The following RBMS3 variants were observed in gnomAD, a reference collection of about 807,000 sequenced individuals.
The protein encoded by RBMS3 is RNA-binding motif, single-stranded-interacting protein 3.
Under a neutral mutation model 66.8 loss-of-function variants are expected in RBMS3, and 27 were observed. The observed-to-expected ratio is 0.40, with a 90% CI of 0.30 to 0.56. The LOEUF (loss-of-function observed/expected upper bound fraction) is 0.56, where lower values mean the gene tolerates loss of function less well. RBMS3 is among the 20% of genes least tolerant of loss of function. The pLI, the probability that RBMS3 is intolerant of heterozygous loss-of-function variation, is 0.40. For synonymous variants in RBMS3, 188 were observed against 183.0 expected, an observed-to-expected ratio of 1.03 and a Z score of -0.22; for missense variants, 513 against 549.5, an observed-to-expected ratio of 0.93 and a Z score of 0.66.
intron 1 of RBMS3, chr3:29,390,995 G>C (rs1029161019): frequency 1.2e-5 from 4 of 321,114 alleles, no homozygotes; most frequent in Admixed American, 2.8e-5. Context: ...GCCCATCTCT[G>C]TGTTTACATT....
At chr3:29,879,271 G>T (rs1208920518) in intron 7 of RBMS3, among the ~76,000 whole-genome samples, 1 of 152,116 alleles carries the variant, frequency 6.6e-6, no homozygotes, top group Non-Finnish European at 1.5e-5. Context: ...AAATAAATAT[G>T]AGCAAAGTTA....
chr3:29,976,456 A>G (rs1372969503), intron 12 of RBMS3, among the ~76,000 whole-genome samples: 1 of 152,134 alleles, frequency 6.6e-6, no homozygotes, highest in African/African-American at 2.4e-5. Flanking sequence ...ACTAATATAA[A>G]GCATTATGAA....
chr3:29,760,271 AC>A (rs2055617559), intron 5 of RBMS3, among the ~76,000 whole-genome samples: 1 of 128,234 alleles, frequency 7.8e-6, no homozygotes, highest in Admixed American at 7.6e-5. Context: ...ACACACACAT[AC>A]ACACACACAC....
At chr3:29,524,615 A>T (rs28687584) in intron 3 of RBMS3, among the ~76,000 whole-genome samples, 17,192 of 59,860 alleles carry the variant, frequency 0.29, 1,368 homozygotes, top group African/African-American at 0.43. Flanking sequence ...TTATTTATTT[A>T]TTTTTTTTAG....
chr3:29,824,113 AC>A (rs1437837029), intron 6 of RBMS3, among the ~76,000 whole-genome samples: 1 of 96,254 alleles, frequency 1.0e-5, no homozygotes, highest in Non-Finnish European at 2.1e-5. Context: ...ATGTCCCCCC[AC>A]CCCCACCCCA....
chr3:29,430,019 G>A (rs530807994), intron 1 of RBMS3, among the ~76,000 whole-genome samples: 2 of 151,868 alleles, frequency 1.3e-5, no homozygotes, highest in African/African-American at 2.4e-5. Context: ...ATACAAAATC[G>A]CTTTTGCTTT....
intron 1 of RBMS3, among the ~76,000 whole-genome samples, chr3:29,308,743 A>AAAC (rs1324007125): frequency 3.1e-5 from 1 of 31,878 alleles, no homozygotes; most frequent in Non-Finnish European, 1.0e-4. Flanking sequence ...GATTAAAAAA[A>AAAC]AACAAAAAAA....
In RBMS3 at chr3:29,523,403, TG is replaced by T. The variant is rs2044945902; in HGVS notation, c.307+34905del. Among the ~76,000 whole-genome samples, 4 of 152,324 alleles carry T rather than the reference TG, an allele frequency of 2.6e-5. No individual in the cohort carries two copies. In the South Asian group the frequency reaches 8.3e-4, roughly 32 times the overall value. ...AACTGTTCTTTTTTTTTGTTTTTAATGTTTCAAAAATCCTACCTCCCAGTCT... is the reference window on the plus strand; with the variant it reads ...AACTGTTCTTTTTTTTTGTTTTTAATTTTCAAAAATCCTACCTCCCAGTCT... On this transcript the variant is annotated intron_variant, in intron 3 of 14. Coordinates refer to ENST00000383767, the MANE Select transcript of RBMS3 (RefSeq NM_001003793.3).
chr3:29,651,164 A>C (rs1341639283), intron 4 of RBMS3, among the ~76,000 whole-genome samples: 1 of 152,194 alleles, frequency 6.6e-6, no homozygotes, highest in Non-Finnish European at 1.5e-5. Context: ...CCTGCTACAG[A>C]GGCTACTGAT....
intron 10 of RBMS3, among the ~76,000 whole-genome samples, chr3:29,930,706 T>A (rs1051016127): frequency 4.0e-5 from 6 of 151,586 alleles, no homozygotes; most frequent in Middle Eastern, 3.2e-3. Context: ...AATATGTACA[T>A]ATACAAATAC....
intron 3 of RBMS3, among the ~76,000 whole-genome samples, chr3:29,502,404 G>C (rs1342531588): frequency 6.6e-6 from 1 of 152,022 alleles, no homozygotes; most frequent in Non-Finnish European, 1.5e-5. Flanking sequence ...ATCCCAATAA[G>C]TAAGACTAGA....
chr3:29,603,511 C>A (rs1382347498), intron 4 of RBMS3, among the ~76,000 whole-genome samples: 2 of 151,932 alleles, frequency 1.3e-5, no homozygotes, highest in African/African-American at 4.8e-5. Flanking sequence ...TTGTGGTTCT[C>A]TTGACTGAGA....
chr3:29,576,778 G>A (rs1363259645), intron 3 of RBMS3, among the ~76,000 whole-genome samples: 1 of 152,130 alleles, frequency 6.6e-6, no homozygotes, highest in East Asian at 1.9e-4. Flanking sequence ...GCCCATTGAG[G>A]GGTTCTGCCA....
At position 29,613,230 on chromosome 3, in the gene RBMS3, G is replaced by C. The variant is rs181101952; in HGVS notation, c.399+26025G>C. On this transcript the variant is annotated intron_variant, in intron 4 of 14. Coordinates refer to ENST00000383767, the MANE Select transcript of RBMS3 (RefSeq NM_001003793.3). ...GGTGAGATTGCCGGATCATATGTTA[G>C]TTCTGTTTTTAATTTTTTGAGGAAT... Among the ~76,000 whole-genome samples, 9 of 152,254 alleles carry C rather than the reference G, an allele frequency of 5.9e-5. No homozygotes were observed. In the East Asian group the frequency reaches 1.7e-3, roughly 29 times the overall value.
chr3:29,707,479 G>A (rs2052957592), intron 4 of RBMS3, among the ~76,000 whole-genome samples: 1 of 152,150 alleles, frequency 6.6e-6, no homozygotes, highest in Non-Finnish European at 1.5e-5. Context: ...ATGTTAACAT[G>A]ATTTTTCTTA....
At chr3:29,813,993 C>T (rs1172794855) in intron 6 of RBMS3, among the ~76,000 whole-genome samples, 1 of 151,886 alleles carries the variant, frequency 6.6e-6, no homozygotes, top group Non-Finnish European at 1.5e-5. Context: ...GCCTAATTGC[C>T]CTGGCCAGAA....
chr3:29,845,228 C>T (rs892838324), intron 6 of RBMS3, among the ~76,000 whole-genome samples: 12 of 152,156 alleles, frequency 7.9e-5, no homozygotes, highest in Admixed American at 7.9e-4. Flanking sequence ...TTTTCACCAT[C>T]GCTATTATTA....
chr3:29,850,737 T>A (rs2058913555), intron 6 of RBMS3, among the ~76,000 whole-genome samples: 1 of 152,190 alleles, frequency 6.6e-6, no homozygotes, highest in Non-Finnish European at 1.5e-5. Flanking sequence ...GTAATGGAAG[T>A]ACCTCTGTTT....
At chr3:29,506,225 G>T (rs2044175518) in intron 3 of RBMS3, among the ~76,000 whole-genome samples, 2 of 151,790 alleles carry the variant, frequency 1.3e-5, no homozygotes, top group African/African-American at 4.8e-5. Context: ...CATCATATAT[G>T]TCCTTTCAGG....
Sources: allele counts gnomAD v4.1 joint callset (sites outside exome capture counted in the v4.1 genomes callset), GRCh38; gene constraint gnomAD v4.1.1; transcripts MANE v1.5; gene names NCBI Gene and HGNC (gene_info 2026-07-23, HGNC 2026-07-21).